The following ABCB1 variants were observed in gnomAD, a reference collection of about 807,000 sequenced individuals.
ABCB1 encodes the protein ATP-dependent translocase ABCB1.
A neutral mutation model predicts 142.0 loss-of-function variants in ABCB1; 69 were observed. The ratio of observed to expected loss-of-function variants is 0.49; its 90% CI spans 0.40 to 0.59. The LOEUF is 0.59. Ranked by LOEUF, ABCB1 falls within the 20% of genes least tolerant of loss-of-function variation. The pLI, the probability that ABCB1 is intolerant of heterozygous loss-of-function variation, is 0.00. For synonymous variants in ABCB1, 532 were observed against 539.2 expected, an observed-to-expected ratio of 0.99 and a Z score of 0.18; for missense variants, 1,326 against 1,554.7, an observed-to-expected ratio of 0.85 and a Z score of 2.47.
intron 1 of ABCB1, among the ~76,000 whole-genome samples, chr7:87,692,012 G>T (rs549351235): frequency 6.6e-6 from 1 of 152,098 alleles, no homozygotes; most frequent in Non-Finnish European, 1.5e-5. Context: ...GTCTAGAATG[G>T]TTTAATCGTA....
intron 1 of ABCB1, among the ~76,000 whole-genome samples, chr7:87,648,474 A>G (rs1188785348): frequency 6.6e-6 from 1 of 152,112 alleles, no homozygotes; most frequent in African/African-American, 2.4e-5. Flanking sequence ...CAGCATTGAA[A>G]GTGTAAAGGA....
rs1394601274 is a variant in ABCB1, at chr7:87,587,845, A to G, written c.118-2165T>C. Among the ~76,000 whole-genome samples, 3 of 146,682 alleles carry G rather than the reference A, an allele frequency of 2.0e-5. No homozygotes were observed. The East Asian group carries it at 6.4e-4, about 31-fold the overall frequency. ...AGCCGAGATCGCACCACTGCACTCCAGCCTGGGCGACAGAGTGAGACTCTG... is the reference window on the plus strand; with the variant it reads ...AGCCGAGATCGCACCACTGCACTCCGGCCTGGGCGACAGAGTGAGACTCTG... On this transcript the variant is annotated intron_variant, in intron 3 of 27. Coordinates refer to ENST00000622132, the MANE Select transcript of ABCB1 (RefSeq NM_001348946.2).
rs796575409 is a variant in ABCB1 at position 87,546,555 on chromosome 7, C to CA, written c.1726-532dup. 5.4e-3 allele frequency among the ~76,000 whole-genome samples: 722 copies of CA among 133,698 alleles called. 2 individuals carry two copies. Among genetic ancestry groups the CA allele is most frequent in the Admixed American group, 0.014 (190 of 13,156 alleles). 87.7% of individuals were successfully genotyped at this position (133,698 alleles called of 152,430 possible). On this transcript the variant is annotated intron_variant, in intron 14 of 27. Transcript: ENST00000622132. ...TGGGTGACAGAGTGAGACTCCATCT[C>CA]AAAAAAAAAAAATAAAAAATAAAAA...
intron 2 of ABCB1, among the ~76,000 whole-genome samples, chr7:87,596,386 G>C (rs1038858631): frequency 6.6e-6 from 1 of 151,958 alleles, no homozygotes; most frequent in Admixed American, 6.6e-5. Context: ...AAAATGTCTG[G>C]AGTCCTAAAT....
intron 1 of ABCB1, among the ~76,000 whole-genome samples, chr7:87,708,511 T>A (rs116545503): frequency 0.011 from 1,749 of 152,294 alleles, 42 homozygotes; most frequent in African/African-American, 0.04. Context: ...TTAAAAATCA[T>A]CCCATTGCAA....
intron 1 of ABCB1, among the ~76,000 whole-genome samples, chr7:87,615,314 G>C (rs1211139382): frequency 6.6e-6 from 1 of 152,206 alleles, no homozygotes; most frequent in Non-Finnish European, 1.5e-5. Flanking sequence ...TGTGTGTTTA[G>C]TCCACTGAGA....
At chr7:87,544,419 T>C in intron 16 of ABCB1, 144 bp from the exon 17 acceptor site, 1 of 886,544 alleles carries the variant, frequency 1.1e-6, no homozygotes, top group East Asian at 2.6e-5. Flanking sequence ...CTTTAAAAAA[T>C]GTCATAGTGA....
chr7:87,607,701 G>A (rs74499385), intron 1 of ABCB1, among the ~76,000 whole-genome samples: 3,692 of 151,678 alleles, frequency 0.024, 152 homozygotes, highest in African/African-American at 0.084. Flanking sequence ...AAAGGTGTGC[G>A]CCACCTTGCC....
intron 21 of ABCB1, among the ~76,000 whole-genome samples, chr7:87,529,065 T>C (rs1815919642): frequency 2.0e-5 from 3 of 152,214 alleles, no homozygotes; most frequent in Admixed American, 6.5e-5. Flanking sequence ...GAGTTTTAAG[T>C]AAGGGTTGGC....
At position 87,521,346 on chromosome 7, in the gene ABCB1, G is replaced by A; in HGVS notation, c.2686-470C>T. 8.6e-6 allele frequency: 4 copies of A among 467,576 alleles called. No individual in the cohort carries two copies. In the South Asian group the frequency reaches 1.2e-4, roughly 14 times the overall value. The allele number at this position is 467,576 out of a possible 1,614,324, so 29.0% of individuals were successfully genotyped here. A position where few individuals can be genotyped will look rare whatever the true frequency, so the allele number is the denominator to read the frequency against. ...AGTGAAAGAATGCAGGCAATAAAAAGTAAATTTTAGATACATTCAAAGGCT... is the reference window on the plus strand; with the variant it reads ...AGTGAAAGAATGCAGGCAATAAAAAATAAATTTTAGATACATTCAAAGGCT... On this transcript the variant is annotated intron_variant, in intron 21 of 27. Coordinates refer to ENST00000622132, the MANE Select transcript of ABCB1 (RefSeq NM_001348946.2).
chr7:87,712,042 C>G (rs1164535078), intron 1 of ABCB1, among the ~76,000 whole-genome samples: 3 of 152,120 alleles, frequency 2.0e-5, no homozygotes, highest in Admixed American at 1.3e-4. Flanking sequence ...ATTCTTTCAA[C>G]TAACTAGCTG....
At chr7:87,519,146 C>T (rs1815375722) in intron 23 of ABCB1, among the ~76,000 whole-genome samples, 180 bp downstream of exon 23, 2 of 152,192 alleles carry the variant, frequency 1.3e-5, no homozygotes, top group Non-Finnish European at 2.9e-5. Flanking sequence ...GTTACTGCTC[C>T]TCCAAATGAA....
intron 1 of ABCB1, among the ~76,000 whole-genome samples, chr7:87,621,521 A>G (rs757291658): frequency 7.2e-5 from 11 of 152,136 alleles, no homozygotes; most frequent in Non-Finnish European, 1.5e-4. Context: ...TGTGAATGCA[A>G]AAACACTACA....
At position 87,689,545 on chromosome 7, in the gene ABCB1, C is replaced by T. The variant is rs548213715; in HGVS notation, c.-331+23616G>A. Among the ~76,000 whole-genome samples, 3 of 152,198 alleles carry T rather than the reference C, an allele frequency of 2.0e-5. No individual in the cohort carries two copies. In the East Asian group the frequency reaches 5.8e-4, roughly 29 times the overall value. On this transcript the variant is annotated intron_variant, in intron 1 of 28. Transcript: ENST00000265724. ...TACTTTAGCTAATATTGCTAAATTACTAATTAGCTAATTATTAATTAGCTA... is the reference window on the plus strand; with the variant it reads ...TACTTTAGCTAATATTGCTAAATTATTAATTAGCTAATTATTAATTAGCTA...
At chr7:87,510,516 G>A (rs1814958969) in intron 25 of ABCB1, among the ~76,000 whole-genome samples, 1 of 152,256 alleles carries the variant, frequency 6.6e-6, no homozygotes, top group African/African-American at 2.4e-5. Context: ...TGCTTTGCAA[G>A]ATAATTTTCT....
At chr7:87,673,930 G>A (rs1362579448) in intron 1 of ABCB1, among the ~76,000 whole-genome samples, 1 of 152,132 alleles carries the variant, frequency 6.6e-6, no homozygotes, top group Non-Finnish European at 1.5e-5. Flanking sequence ...TGTGATATAA[G>A]GTAGGTTCAG....
chr7:87,710,948 C>T (rs1406038818), intron 1 of ABCB1, among the ~76,000 whole-genome samples: 2 of 152,130 alleles, frequency 1.3e-5, no homozygotes, highest in African/African-American at 2.4e-5. Flanking sequence ...TAGACTATTC[C>T]CTGATGGATT....
chr7:87,667,125 T>C (rs1209092315), intron 1 of ABCB1, among the ~76,000 whole-genome samples: 1 of 152,188 alleles, frequency 6.6e-6, no homozygotes, highest in Non-Finnish European at 1.5e-5. Flanking sequence ...TTCATGAACA[T>C]GGGATGTTTA....
At chr7:87,608,781 T>A (rs1819749361) in intron 1 of ABCB1, among the ~76,000 whole-genome samples, 1 of 152,192 alleles carries the variant, frequency 6.6e-6, no homozygotes, top group Non-Finnish European at 1.5e-5. Context: ...ACTTATTTCT[T>A]TAGAACACTT....
Sources: allele counts gnomAD v4.1 joint callset (sites outside exome capture counted in the v4.1 genomes callset), GRCh38; gene constraint gnomAD v4.1.1; transcripts MANE v1.5; gene names NCBI Gene and HGNC (gene_info 2026-07-23, HGNC 2026-07-21).